The following DUSP11 variants were observed in gnomAD, a reference collection of about 807,000 sequenced individuals.
DUSP11 encodes dual specificity phosphatase 11, also known as RNA/RNP complex-1-interacting phosphatase.
A neutral mutation model predicts 41.4 loss-of-function variants in DUSP11; 27 were observed. The observed-to-expected ratio is 0.65, with a 90% CI of 0.48 to 0.90. The LOEUF (loss-of-function observed/expected upper bound fraction) is 0.90, where lower values mean the gene tolerates loss of function less well. DUSP11 is among the 40% of genes least tolerant of loss of function. The pLI, the probability that DUSP11 is intolerant of heterozygous loss-of-function variation, is 0.00. For synonymous variants in DUSP11, 188 were observed against 159.3 expected (o/e 1.18, Z -1.35); for missense variants, 465 against 461.1 (o/e 1.01, Z -0.08).
intron 8 of DUSP11, among the ~76,000 whole-genome samples, 172 bp downstream of exon 8, chr2:73,766,246 T>TTGCAG (rs761815932): frequency 3.1e-4 from 47 of 151,166 alleles, no homozygotes; most frequent in Non-Finnish European, 5.9e-4. Context: ...GAGGTGGAGG[T>TTGCAG]TGCAGTGAGC....
At chr2:73,767,181 C>T (rs757492914) in exon 6 of DUSP11, 28 of 1,612,430 alleles carry the variant, frequency 1.7e-5, no homozygotes, top group Non-Finnish European at 2.2e-5. Flanking sequence ...ATCATCTGGC[C>T]TCACGCCTTC....
intron 2 of DUSP11, among the ~76,000 whole-genome samples, chr2:73,775,956 T>C (rs1487690047): frequency 6.8e-6 from 1 of 146,276 alleles, no homozygotes; most frequent in African/African-American, 2.5e-5. Context: ...CAAGCAACCC[T>C]CCTGTCTCGG....
At chr2:73,767,132 G>C in intron 6 of DUSP11, 29 bp downstream of exon 6, 1 of 1,586,678 alleles carries the variant, frequency 6.3e-7, no homozygotes, top group Non-Finnish European at 8.6e-7. Context: ...TTAATAAAAG[G>C]GAAAAATAGT....
At chr2:73,769,219 G>C in intron 5 of DUSP11, 46 bp downstream of exon 5, 1 of 1,536,738 alleles carries the variant, frequency 6.5e-7, no homozygotes, top group African/African-American at 1.4e-5. Context: ...ATTGTAAACA[G>C]ACAAAAACAA....
At chr2:73,765,743 TTTA>T (rs1371652534) in intron 8 of DUSP11, among the ~76,000 whole-genome samples, 2 of 152,228 alleles carry the variant, frequency 1.3e-5, no homozygotes, top group Non-Finnish European at 2.9e-5. Context: ...CTATTAGGAT[TTTA>T]TTATTTTTCT....
intron 5 of DUSP11, chr2:73,768,736 C>G: frequency 1.3e-6 from 1 of 799,042 alleles, no homozygotes; most frequent in Non-Finnish European, 1.5e-6. Context: ...GCGGGTGGAT[C>G]ACAAGGTCAG....
chr2:73,771,005 A>G (rs1672563002), intron 4 of DUSP11, among the ~76,000 whole-genome samples: 1 of 152,082 alleles, frequency 6.6e-6, no homozygotes, highest in Non-Finnish European at 1.5e-5. Context: ...TTGGTTCATT[A>G]CTTCCTTTAA....
intron 1 of DUSP11, chr2:73,779,572 T>A (rs965376779): frequency 9.9e-6 from 4 of 403,208 alleles, no homozygotes; most frequent in African/African-American, 8.0e-5. Context: ...GGAGGTTCCA[T>A]TTTGGGAATT....
intron 4 of DUSP11, chr2:73,773,567 G>A (rs1672625277): frequency 4.6e-6 from 2 of 431,638 alleles, no homozygotes; most frequent in East Asian, 4.8e-5. Flanking sequence ...AAAAAAGAAA[G>A]ATGAGCCAGT....
intron 5 of DUSP11, chr2:73,768,601 T>C: frequency 3.0e-6 from 3 of 985,430 alleles, no homozygotes; most frequent in Non-Finnish European, 3.6e-6. Flanking sequence ...TGTTTTATAA[T>C]ATCAAAAACT....
intron 4 of DUSP11, among the ~76,000 whole-genome samples, chr2:73,772,109 C>T (rs1271725276): frequency 1.3e-5 from 2 of 152,172 alleles, no homozygotes; most frequent in Non-Finnish European, 1.5e-5. Context: ...CATGAGCCAC[C>T]GCGCCCAGCC....
intron 6 of DUSP11, 46 bp from the exon 7 acceptor site, chr2:73,766,949 T>C: frequency 1.3e-6 from 2 of 1,528,078 alleles, no homozygotes; most frequent in Non-Finnish European, 1.8e-6. Context: ...AAAAAGCAGA[T>C]CTTTCCAGAA....
intron 3 of DUSP11, 148 bp downstream of exon 3, chr2:73,774,765 A>T (rs1252281075): frequency 3.7e-6 from 2 of 538,126 alleles, no homozygotes; most frequent in Non-Finnish European, 6.2e-6. Context: ...AAAACATGTA[A>T]TTAGAGAAAT....
chr2:73,767,230 G>A (rs773046905), intron 5 of DUSP11, 23 bp from the exon 6 acceptor site: 23 of 1,597,490 alleles, frequency 1.4e-5, no homozygotes, highest in Non-Finnish European at 2.0e-5. Flanking sequence ...CATAATTTGG[G>A]TCATTTATAT....
intron 8 of DUSP11, among the ~76,000 whole-genome samples, chr2:73,765,547 T>TCCAC (rs1280214724): frequency 6.6e-6 from 1 of 151,842 alleles, no homozygotes; most frequent in Non-Finnish European, 1.5e-5. Flanking sequence ...CCTCCTCCCA[T>TCCAC]CCACCCACCC....
At chr2:73,765,408 G>A (rs1274071810) in intron 8 of DUSP11, among the ~76,000 whole-genome samples, 3 of 152,196 alleles carry the variant, frequency 2.0e-5, no homozygotes, top group Admixed American at 6.5e-5. Flanking sequence ...ACTGGCTTCC[G>A]TGGTTCTGAG....
chr2:73,774,058 G>T, intron 3 of DUSP11, 135 bp from the exon 4 acceptor site: 1 of 650,380 alleles, frequency 1.5e-6, no homozygotes, highest in Non-Finnish European at 2.3e-6. Context: ...ACACAATTCT[G>T]ATAAAAGAGC....
At chr2:73,763,449 C>T (rs536679101) in intron 8 of DUSP11, among the ~76,000 whole-genome samples, 39 of 152,278 alleles carry the variant, frequency 2.6e-4, no homozygotes, top group African/African-American at 8.2e-4. Flanking sequence ...TGGGGCTGGG[C>T]GTGGTGGCTC....
chr2:73,770,832 C>T (rs1477452404), intron 4 of DUSP11, among the ~76,000 whole-genome samples: 1 of 152,172 alleles, frequency 6.6e-6, no homozygotes, highest in Non-Finnish European at 1.5e-5. Flanking sequence ...CCAGCCCCAA[C>T]CTCTCTGATC....
Sources: allele counts gnomAD v4.1 joint callset (sites outside exome capture counted in the v4.1 genomes callset), GRCh38; gene constraint gnomAD v4.1.1; transcripts MANE v1.5; gene names NCBI Gene and HGNC (gene_info 2026-07-23, HGNC 2026-07-21).